The following PRKAR1B variants were observed in gnomAD, a reference collection of about 807,000 sequenced individuals.
PRKAR1B encodes cAMP-dependent protein kinase type I-beta regulatory subunit.
A neutral mutation model predicts 46.5 loss-of-function variants in PRKAR1B; 22 were observed. The observed-to-expected ratio is 0.47, with a 90% CI of 0.34 to 0.68. The LOEUF is 0.68. Among genes scored for constraint, PRKAR1B ranks in the 30% least tolerant of loss-of-function variants. The probability of loss-of-function intolerance (pLI) is 0.01; values close to 1 mark genes in which losing one functional copy is unlikely to be tolerated. For missense variants in PRKAR1B, 445 were observed against 535.6 expected (o/e 0.83, Z 1.67); for synonymous variants, 259 against 217.7 (o/e 1.19, Z -1.67).
intron 4 of PRKAR1B, among the ~76,000 whole-genome samples, chr7:628,667 G>T (rs563792692): frequency 7.9e-4 from 120 of 152,280 alleles, no homozygotes; most frequent in Admixed American, 3.7e-3. Context: ...GGAAAAGCAG[G>T]CCCACTCTGC....
intron 2 of PRKAR1B, among the ~76,000 whole-genome samples, chr7:699,864 A>C (rs1221403966): frequency 6.6e-6 from 1 of 152,164 alleles, no homozygotes; most frequent in Non-Finnish European, 1.5e-5. Context: ...GGAGCAGTTC[A>C]ATTTGTGTTT....
chr7:680,802 AT>A, intron 2 of PRKAR1B, 76 bp from the exon 3 acceptor site: 1 of 1,534,790 alleles, frequency 6.5e-7, no homozygotes. Context: ...CATGCCTGTG[AT>A]CCCAGCACTG....
chr7:580,757 A>C (rs574072971), intron 8 of PRKAR1B, among the ~76,000 whole-genome samples: 7 of 146,378 alleles, frequency 4.8e-5, no homozygotes, highest in East Asian at 2.0e-4. Flanking sequence ...AAAAAAAAAA[A>C]AAAAAACAAA....
chr7:725,223 A>C (rs559362711), intron 1 of PRKAR1B, among the ~76,000 whole-genome samples: 1 of 152,204 alleles, frequency 6.6e-6, no homozygotes, highest in African/African-American at 2.4e-5. Context: ...CAAAAAAAAA[A>C]AAAAAAGACG....
At position 550,156 on chromosome 7, in the gene PRKAR1B, C is replaced by A; in HGVS notation, c.*274G>T. Reference sequence around the variant, plus strand: ...GTGGGGTGGGCCCCCCAGGAGAAGCCCACAGAGGCAGCCGGGGAGGCGTGT... The same window carrying A: ...GTGGGGTGGGCCCCCCAGGAGAAGCACACAGAGGCAGCCGGGGAGGCGTGT... On this transcript the variant is annotated 3_prime_UTR_variant, in exon 11 of 11. Coordinates refer to ENST00000537384, the MANE Select transcript of PRKAR1B (RefSeq NM_001164760.2). 2.3e-6 allele frequency: 1 copy of A among 443,436 alleles called. No individual in the cohort carries two copies. The highest frequency in any genetic ancestry group is 4.8e-5 in the East Asian group (1 of 20,924). 27.5% of individuals were successfully genotyped at this position (443,436 alleles called of 1,614,324 possible). A position where few individuals can be genotyped will look rare whatever the true frequency, so the allele number is the denominator to read the frequency against.
rs550997848 is a variant in PRKAR1B at position 597,325 on chromosome 7, C to T, written c.550-1021G>A. 1.4e-3 allele frequency among the ~76,000 whole-genome samples: 218 copies of T among 152,312 alleles called. 2 individuals carry two copies. The highest frequency in any genetic ancestry group is 1.7e-3 in the Admixed American group (26 of 15,310). ...AAGAAAAGGCCACGCAGGTGTAACTCCACAATTAGGTACAAGTGAGCGCTG... is the reference window on the plus strand; with the variant it reads ...AAGAAAAGGCCACGCAGGTGTAACTTCACAATTAGGTACAAGTGAGCGCTG... On this transcript the variant is annotated intron_variant, in intron 6 of 10. Coordinates refer to ENST00000537384, the MANE Select transcript of PRKAR1B (RefSeq NM_001164760.2).
intron 9 of PRKAR1B, 37 bp downstream of exon 9, chr7:579,219 G>A (rs1249015389): frequency 1.2e-6 from 2 of 1,613,430 alleles, no homozygotes; most frequent in Non-Finnish European, 1.7e-6. Flanking sequence ...CTGCCCCAGT[G>A]CACACCCAGA....
chr7:719,359 G>T (rs932645609), intron 1 of PRKAR1B, among the ~76,000 whole-genome samples: 1 of 151,818 alleles, frequency 6.6e-6, no homozygotes, highest in African/African-American at 2.4e-5. Context: ...TATTCTTTTT[G>T]TAGAGATGGG....
At chr7:701,509 G>A (rs998203083) in intron 2 of PRKAR1B, among the ~76,000 whole-genome samples, 4 of 151,952 alleles carry the variant, frequency 2.6e-5, no homozygotes, top group African/African-American at 7.3e-5. Context: ...TATGTTGAAA[G>A]GTATAAATAT....
chr7:660,251 G>A (rs1445837968), intron 4 of PRKAR1B, among the ~76,000 whole-genome samples: 2 of 151,982 alleles, frequency 1.3e-5, no homozygotes, highest in Non-Finnish European at 1.5e-5. Flanking sequence ...CCGGGGACAT[G>A]GGCCCACCGA....
At chr7:583,696 ACC>A (rs930666723) in intron 8 of PRKAR1B, among the ~76,000 whole-genome samples, 2 of 119,508 alleles carry the variant, frequency 1.7e-5, no homozygotes, top group African/African-American at 3.4e-5. Context: ...GTGCACTCAC[ACC>A]CTCACACACG....
intron 9 of PRKAR1B, among the ~76,000 whole-genome samples, chr7:559,363 G>A (rs1367433713): frequency 1.3e-5 from 2 of 152,314 alleles, no homozygotes; most frequent in East Asian, 1.9e-4. Flanking sequence ...CTGGTGCCAC[G>A]GCTGGGAGAA....
At chr7:609,201 C>T (rs549450622) in intron 4 of PRKAR1B, among the ~76,000 whole-genome samples, 1 of 152,184 alleles carries the variant, frequency 6.6e-6, no homozygotes, top group Non-Finnish European at 1.5e-5. Context: ...CTGGTGCACG[C>T]ATCTGCAGGA....
Position 583,058 on chromosome 7 carries a change from CG to C in PRKAR1B, c.769+1449del, listed in dbSNP as rs1234001645. Among the ~76,000 whole-genome samples the C allele has an allele frequency of 2.0e-5, 3 of 151,568 alleles. No individual in the cohort carries two copies. In the East Asian group the frequency reaches 5.8e-4, roughly 30 times the overall value. On this transcript the variant is annotated intron_variant, in intron 8 of 10. Coordinates refer to ENST00000537384, the MANE Select transcript of PRKAR1B (RefSeq NM_001164760.2). ...AGGAGGGTCCGGGGGCTGCCAGGGCCGGGAGGGCAGGGGGGGTGACGGCTCA... is the reference window on the plus strand; with the variant it reads ...AGGAGGGTCCGGGGGCTGCCAGGGCCGGAGGGCAGGGGGGGTGACGGCTCA...
chr7:640,952 A>C (rs1263228071), intron 4 of PRKAR1B, among the ~76,000 whole-genome samples: 1 of 152,026 alleles, frequency 6.6e-6, no homozygotes, highest in Non-Finnish European at 1.5e-5. Context: ...ACTTTGGAAA[A>C]GAGACAATTC....
rs181240533 is a variant in PRKAR1B, at chr7:583,104, C to T, written c.769+1404G>A. On this transcript the variant is annotated intron_variant, in intron 8 of 10. Coordinates refer to ENST00000537384, the MANE Select transcript of PRKAR1B (RefSeq NM_001164760.2). ...GGCTCACAGGGACGGGGCTCTGTCTCGGGTGAGGACGGGGCTCTGGGATGG... is the reference window on the plus strand; with the variant it reads ...GGCTCACAGGGACGGGGCTCTGTCTTGGGTGAGGACGGGGCTCTGGGATGG... Among the ~76,000 whole-genome samples, 272 of 152,046 alleles carry T rather than the reference C, an allele frequency of 1.8e-3. 4 individuals are homozygous for T. Among genetic ancestry groups the T allele is most frequent in the Admixed American group, 0.016 (247 of 15,268 alleles).
At chr7:699,732 G>A (rs1306077198) in intron 2 of PRKAR1B, among the ~76,000 whole-genome samples, 1 of 152,178 alleles carries the variant, frequency 6.6e-6, no homozygotes, top group East Asian at 1.9e-4. Flanking sequence ...GTGCTGGCCG[G>A]AGCCCGTGGG....
rs765963096 is a variant in PRKAR1B at position 602,617 on chromosome 7, C to A, written c.549+3576G>T. On this transcript the variant is annotated intron_variant, in intron 6 of 10. Transcript: ENST00000537384. This position sits in a 1 kb window ranked among gnomAD's most constrained non-coding sequence, Gnocchi z 6.4. ...TGGCGCTGGGGCAGGAGGGTGGCCACCCGCGCTGAAGATGAGGACAAGCCC... is the reference window on the plus strand; with the variant it reads ...TGGCGCTGGGGCAGGAGGGTGGCCAACCGCGCTGAAGATGAGGACAAGCCC... 22 of 169,578 alleles carry A rather than the reference C, an allele frequency of 1.3e-4. No homozygotes were observed. Among genetic ancestry groups the A allele is most frequent in the Non-Finnish European group, 2.5e-4 (17 of 68,540 alleles). 10.5% of individuals were successfully genotyped at this position (169,578 alleles called of 1,614,324 possible). A position where few individuals can be genotyped will look rare whatever the true frequency, so the allele number is the denominator to read the frequency against.
chr7:630,611 C>T (rs1470173934), intron 4 of PRKAR1B, among the ~76,000 whole-genome samples: 1 of 152,220 alleles, frequency 6.6e-6, no homozygotes, highest in Non-Finnish European at 1.5e-5. Flanking sequence ...AAAGGCCATA[C>T]GGGTGAGGCT....
Sources: allele counts gnomAD v4.1 joint callset (sites outside exome capture counted in the v4.1 genomes callset), GRCh38; gene constraint gnomAD v4.1.1; non-coding constraint Gnocchi (gnomAD v3.1); transcripts MANE v1.5; gene names NCBI Gene and HGNC (gene_info 2026-07-23, HGNC 2026-07-21).